The following MBP variants were observed in gnomAD, a reference collection of about 807,000 sequenced individuals.
MBP encodes myelin basic protein.
A neutral mutation model predicts 35.8 loss-of-function variants in MBP; 16 were observed. The ratio of observed to expected loss-of-function variants is 0.45; its 90% CI spans 0.30 to 0.68. The LOEUF is 0.68. Among genes scored for constraint, MBP ranks in the 30% least tolerant of loss-of-function variants. The probability of loss-of-function intolerance (pLI) is 0.08; values close to 1 mark genes in which losing one functional copy is unlikely to be tolerated. For synonymous variants in MBP, 143 were observed against 159.6 expected (o/e 0.90, Z 0.78); for missense variants, 380 against 404.7 (o/e 0.94, Z 0.52).
intron 1 of MBP, among the ~76,000 whole-genome samples, chr18:77,128,944 T>C (rs746097031): frequency 3.3e-5 from 5 of 152,202 alleles, no homozygotes; most frequent in Non-Finnish European, 7.3e-5. Flanking sequence ...CTCTAATATT[T>C]GGTATAGTCA....
chr18:76,995,886 G>C (rs1211168047), intron 4 of MBP, among the ~76,000 whole-genome samples: 1 of 152,084 alleles, frequency 6.6e-6, no homozygotes, highest in Non-Finnish European at 1.5e-5. Context: ...ACACCATCAA[G>C]AGAAGAAAAA....
In MBP at chr18:76,988,513, G is replaced by A; in HGVS notation, c.732C>T (p.Ser244=). The change falls in exon 7 of 9, where the codon TCC becomes TCT. Residue 244 remains serine, a synonymous_variant. Coordinates refer to ENST00000355994, the MANE Select transcript of MBP (RefSeq NM_001025101.2). The surrounding 1 kb of genome is among the most constrained non-coding windows in gnomAD (Gnocchi z 5.2). ...CACCTACCCAGCTAAATCTGCTCAG[G>A]GACAGTCCTCTCCCCTGCATGAGGA... ...PPSQGKGRGL[S]LSRFSWGAEG... The A allele has an allele frequency of 6.2e-7, 1 of 1,613,968 alleles. No homozygotes were observed. The highest frequency in any genetic ancestry group is 8.5e-7 in the Non-Finnish European group (1 of 1,179,866).
At chr18:77,112,301 G>C (rs573031814) in intron 1 of MBP, among the ~76,000 whole-genome samples, 15 of 152,314 alleles carry the variant, frequency 9.8e-5, no homozygotes, top group Non-Finnish European at 1.9e-4. Flanking sequence ...TGGGATGCGC[G>C]CTGCACACTC....
At chr18:76,985,485 A>G in intron 7 of MBP, 2 of 1,183,248 alleles carry the variant, frequency 1.7e-6, no homozygotes, top group Non-Finnish European at 1.1e-6. Context: ...CGTATCTTTT[A>G]TAAGGTTTTG....
At chr18:77,068,930 A>G (rs1467419976) in intron 2 of MBP, 2 of 458,534 alleles carry the variant, frequency 4.4e-6, no homozygotes, top group Non-Finnish European at 8.8e-6. Flanking sequence ...AGCCGCCACC[A>G]CGGAGCTGAG....
intron 4 of MBP, among the ~76,000 whole-genome samples, chr18:76,997,468 A>T (rs1970335625): frequency 6.6e-6 from 1 of 152,224 alleles, no homozygotes; most frequent in Non-Finnish European, 1.5e-5. Context: ...CTGAGAAGCC[A>T]CCTTGGAAAA....
intron 1 of MBP, among the ~76,000 whole-genome samples, chr18:77,129,355 A>G (rs550715348): frequency 2.0e-4 from 30 of 152,340 alleles, no homozygotes; most frequent in South Asian, 1.7e-3. Flanking sequence ...TGTTGCTGGC[A>G]TGTGGGAGAT....
At chr18:77,027,846 G>A (rs535762701) in intron 3 of MBP, among the ~76,000 whole-genome samples, 9 of 152,090 alleles carry the variant, frequency 5.9e-5, no homozygotes, top group South Asian at 4.2e-4. Context: ...TGAGACCATC[G>A]CAGCCAATTT....
chr18:76,991,474 A>G (rs200569926), intron 4 of MBP, among the ~76,000 whole-genome samples: 45 of 152,224 alleles, frequency 3.0e-4, no homozygotes, highest in East Asian at 2.7e-3. Flanking sequence ...GACTTCATGC[A>G]TTGTCTGCTC....
chr18:77,126,999 C>T (rs1009107376), intron 1 of MBP, among the ~76,000 whole-genome samples: 16 of 152,204 alleles, frequency 1.1e-4, no homozygotes, highest in African/African-American at 3.9e-4. Flanking sequence ...TATCAAAATC[C>T]CAGCAAGGTT....
intron 3 of MBP, among the ~76,000 whole-genome samples, chr18:77,025,846 A>G (rs1313431928): frequency 6.6e-6 from 1 of 151,922 alleles, no homozygotes; most frequent in Non-Finnish European, 1.5e-5. Flanking sequence ...GGCACACCCC[A>G]CACCCTGAGT....
At chr18:76,993,566 A>C (rs539926) in intron 4 of MBP, among the ~76,000 whole-genome samples, 48,631 of 149,510 alleles carry the variant, frequency 0.33, 8,227 homozygotes, top group African/African-American at 0.41. Flanking sequence ...AAAAAAAAAA[A>C]AACAAAAGAT....
In MBP at chr18:77,131,071, G is replaced by A. The variant is rs982782452; in HGVS notation, c.-26+1509C>T. Among the ~76,000 whole-genome samples, 2,601 of 17,420 alleles carry A rather than the reference G, an allele frequency of 0.15. 121 individuals are homozygous for A. The highest frequency in any genetic ancestry group is 0.41 in the East Asian group (498 of 1,224). The allele number at this position is 17,420 out of a possible 152,430, so 11.4% of individuals were successfully genotyped here. A position where few individuals can be genotyped will look rare whatever the true frequency, so the allele number is the denominator to read the frequency against. On this transcript the variant is annotated intron_variant, in intron 1 of 8. Transcript: ENST00000355994. The surrounding 1 kb of genome is among the most constrained non-coding windows in gnomAD (Gnocchi z 5.5). ...ACCTCAAAAAACAAAACACACACAC[G>A]CGCGCACGCACGCGCACACACACAC...
rs188622110 is a variant in MBP at position 76,989,209 on chromosome 18, G to A, written c.682-297C>T. The A allele has an allele frequency of 1.2e-4, 70 of 590,734 alleles. No homozygotes were observed. Among genetic ancestry groups the A allele is most frequent in the Admixed American group, 8.8e-4 (37 of 41,844 alleles). The allele number at this position is 590,734 out of a possible 1,614,324, so 36.6% of individuals were successfully genotyped here. The stretch of plus-strand genomic sequence containing the variant: ...ATCTTGGGACACTGAGGGAGGCGGC[G>A]GACTTTGCTTCACCGTGAGCCCTTT... On this transcript the variant is annotated intron_variant, in intron 5 of 8. Coordinates refer to ENST00000355994, the MANE Select transcript of MBP (RefSeq NM_001025101.2). The surrounding 1 kb of genome is among the most constrained non-coding windows in gnomAD (Gnocchi z 4.0).
chr18:77,087,154 G>A (rs1348675394), intron 2 of MBP, among the ~76,000 whole-genome samples: 4 of 151,912 alleles, frequency 2.6e-5, no homozygotes, highest in African/African-American at 4.8e-5. Context: ...CACCGCAAAC[G>A]GAAAGAGGGA....
At chr18:77,053,480 T>C (rs1316192763) in intron 3 of MBP, among the ~76,000 whole-genome samples, 1 of 152,244 alleles carries the variant, frequency 6.6e-6, no homozygotes, top group Non-Finnish European at 1.5e-5. Context: ...TCCAGGGACA[T>C]TTTGTCAGTT....
Position 76,989,679 on chromosome 18 carries a change from T to C in MBP, c.681+277A>G, listed in dbSNP as rs1969777713. 7.5e-6 allele frequency: 3 copies of C among 398,402 alleles called. No homozygotes were observed. Among genetic ancestry groups the C allele is most frequent in the Non-Finnish European group, 1.4e-5 (3 of 216,452 alleles). The allele number at this position is 398,402 out of a possible 1,614,324, so 24.7% of individuals were successfully genotyped here. A position where few individuals can be genotyped will look rare whatever the true frequency, so the allele number is the denominator to read the frequency against. ...CTCCATAGGTTGCAAAGCCTGTGTTTTTAGGCTAAGCGTTACATGGGAGCC... is the reference window on the plus strand; with the variant it reads ...CTCCATAGGTTGCAAAGCCTGTGTTCTTAGGCTAAGCGTTACATGGGAGCC... On this transcript the variant is annotated intron_variant, in intron 5 of 8. Coordinates refer to ENST00000355994, the MANE Select transcript of MBP (RefSeq NM_001025101.2). This position sits in a 1 kb window ranked among gnomAD's most constrained non-coding sequence, Gnocchi z 4.0.
intron 3 of MBP, among the ~76,000 whole-genome samples, chr18:77,040,030 A>G (rs1240902942): frequency 6.6e-6 from 1 of 152,202 alleles, no homozygotes; most frequent in Non-Finnish European, 1.5e-5. Flanking sequence ...TGAGGACTTT[A>G]TTGGTACAAA....
At chr18:77,081,229 C>T (rs1974885662) in intron 2 of MBP, among the ~76,000 whole-genome samples, 1 of 152,174 alleles carries the variant, frequency 6.6e-6, no homozygotes, top group East Asian at 1.9e-4. Context: ...AGACTATTAA[C>T]ATGGAGAACC....
Sources: gnomAD v4.1 joint callset for allele counts (sites outside exome capture counted in the v4.1 genomes callset) on GRCh38, gnomAD v4.1.1 for gene constraint, Gnocchi (gnomAD v3.1) non-coding constraint, MANE v1.5 for transcripts, NCBI Gene and HGNC (gene_info 2026-07-23, HGNC 2026-07-21) for gene names.